LEMD1: variants seen among roughly 807,000 people sequenced by gnomAD.
LEMD1 encodes LEM domain-containing protein 1.
LEMD1 carries 18 observed loss-of-function variants against 17.4 expected under a neutral mutation model. The observed-to-expected ratio is 1.04, with a 90% CI of 0.72 to 1.54. The LOEUF is 1.54. LEMD1 is among the 40% of genes most tolerant of loss of function. LEMD1 has a pLI of 0.00. For missense variants in LEMD1, 195 were observed against 210.4 expected (o/e 0.93, Z 0.45); for synonymous variants, 88 against 77.8 (o/e 1.13, Z -0.69).
chr1:205,393,877 A>T (rs1390284774), intron 4 of LEMD1, among the ~76,000 whole-genome samples: 1 of 151,792 alleles, frequency 6.6e-6, no homozygotes, highest in Non-Finnish European at 1.5e-5. Context: ...AAAAAATGGA[A>T]ATCAGGTACT....
At chr1:205,444,798 A>G (rs1236237570) in intron 1 of LEMD1, among the ~76,000 whole-genome samples, 2 of 152,064 alleles carry the variant, frequency 1.3e-5, no homozygotes, top group Non-Finnish European at 2.9e-5. Flanking sequence ...AAACAAGAAG[A>G]GGGATATTGC....
At chr1:205,401,788 T>C (rs1219564331) in intron 4 of LEMD1, among the ~76,000 whole-genome samples, 1 of 152,094 alleles carries the variant, frequency 6.6e-6, no homozygotes, top group Non-Finnish European at 1.5e-5. Context: ...ATGCCTATGT[T>C]CTGAATGGTA....
At chr1:205,447,049 C>A (rs1168940654) in intron 1 of LEMD1, among the ~76,000 whole-genome samples, 4 of 152,242 alleles carry the variant, frequency 2.6e-5, no homozygotes, top group Non-Finnish European at 5.9e-5. Flanking sequence ...TGAGAACAAC[C>A]TCCCGTCTGG....
chr1:205,392,395 A>AC (rs1664385620), intron 4 of LEMD1, among the ~76,000 whole-genome samples: 2 of 150,476 alleles, frequency 1.3e-5, no homozygotes, highest in Admixed American at 6.6e-5. Context: ...TAAAAAAATT[A>AC]GCCAGGCATG....
At chr1:205,433,668 G>A (rs1666161507) in intron 1 of LEMD1, among the ~76,000 whole-genome samples, 1 of 152,160 alleles carries the variant, frequency 6.6e-6, no homozygotes, top group Admixed American at 6.5e-5. Context: ...GAGGGACTGG[G>A]GCAGGCATCT....
At chr1:205,423,689 C>T (rs555647872), upstream of LEMD1, among the ~76,000 whole-genome samples, 53 of 152,288 alleles carry the variant, frequency 3.5e-4, no homozygotes, top group Non-Finnish European at 5.9e-4. Context: ...TTATGAATTC[C>T]TGTACTCTGT....
chr1:205,391,945 C>CGA (rs1187255163), intron 4 of LEMD1, among the ~76,000 whole-genome samples: 2 of 118,022 alleles, frequency 1.7e-5, no homozygotes, highest in African/African-American at 4.0e-5. Flanking sequence ...TCGTCTCTAC[C>CGA]GAAAAAAAAA....
chr1:205,382,139 C>T lies in LEMD1; in HGVS notation c.348-283G>A, dbSNP rs1574931583. 3 of 386,836 alleles carry T rather than the reference C, an allele frequency of 7.8e-6. No individual in the cohort carries two copies. The East Asian group carries it at 1.5e-4, about 20-fold the overall frequency. 24.0% of individuals were successfully genotyped at this position (386,836 alleles called of 1,614,324 possible). A position where few individuals can be genotyped will look rare whatever the true frequency, so the allele number is the denominator to read the frequency against. ...ACGTCTGCCTCTCGAGTAGCTCGGA[C>T]CACAGGTACATGCCACCACCCCCAG... On this transcript the variant is annotated intron_variant, in intron 5 of 5. Transcript: ENST00000367153.
rs1313373990 is a variant in LEMD1, at chr1:205,419,329, T to G, written c.106A>C (p.Lys36Gln). The change falls in exon 3 of 6, where the codon AAA (lysine) becomes CAA (glutamine). Residue 36 changes from lysine to glutamine, a missense_variant. Lys to Gln is a moderately conservative substitution (Grantham distance 53, BLOSUM62 1). Coordinates refer to ENST00000367153, the MANE Select transcript of LEMD1 (RefSeq NM_001199050.2). ...GAGACCAACAACTGTACTAACTTTT[T>G]TTCATACAACTTTCTGGTGGAAGCT... is the stretch of plus-strand genomic sequence containing the variant. The part of the protein sequence containing the change: ...ILPSTRKLYE[K>Q]KLVQLLVSPP... The G allele has an allele frequency of 1.2e-6, 2 of 1,614,232 alleles. No homozygotes were observed. The highest frequency in any genetic ancestry group is 2.2e-5 in the East Asian group (1 of 44,892).
At position 205,448,099 on chromosome 1, in the gene LEMD1, G is replaced by A. The variant is rs1252650733; in HGVS notation, c.-39+1769C>T. Among the ~76,000 whole-genome samples the A allele has an allele frequency of 6.6e-6, 1 of 152,196 alleles. No homozygotes were observed. The highest frequency in any genetic ancestry group is 2.4e-5 in the African/African-American group (1 of 41,450). ...CCTTCCTCAGAGGGAATCTCCCTCTGGAATCACCGGCCCAGTCTCTTCATT... is the reference window on the plus strand; with the variant it reads ...CCTTCCTCAGAGGGAATCTCCCTCTAGAATCACCGGCCCAGTCTCTTCATT... On this transcript the variant is annotated intron_variant, in intron 1 of 3. Transcript: ENST00000367154. This position sits in a 1 kb window ranked among gnomAD's most constrained non-coding sequence, Gnocchi z 4.7.
chr1:205,440,483 G>C (rs1457244967), intron 1 of LEMD1: 1 of 152,292 alleles, frequency 6.6e-6, no homozygotes, highest in Non-Finnish European at 1.5e-5. Context: ...TCCAGGGTCA[G>C]GGCTGCTGGA....
chr1:205,422,764 C>T (rs191150542), upstream of LEMD1, among the ~76,000 whole-genome samples: 385 of 152,288 alleles, frequency 2.5e-3, 1 homozygote, highest in Admixed American at 4.0e-3. Flanking sequence ...GCAATGCCTT[C>T]ATTAAATTGC....
At position 205,438,609 on chromosome 1, in the gene LEMD1, G is replaced by T. The variant is rs202051355; in HGVS notation, c.-39+11259C>A. Among the ~76,000 whole-genome samples, 12 of 152,318 alleles carry T rather than the reference G, an allele frequency of 7.9e-5. No individual in the cohort carries two copies. The East Asian group carries it at 2.3e-3, about 29-fold the overall frequency. ...AGGGACAATAGAATGTGGGGTTGGG[G>T]TGTGCCTGGCTAGAAGCTGCTACCT... On this transcript the variant is annotated intron_variant, in intron 1 of 3. Transcript: ENST00000367154.
intron 2 of LEMD1, among the ~76,000 whole-genome samples, chr1:205,420,218 T>G (rs1264627383): frequency 6.6e-6 from 1 of 152,148 alleles, no homozygotes; most frequent in Non-Finnish European, 1.5e-5. Context: ...CTTGGGAGGC[T>G]CAGGCAGGAG....
chr1:205,439,252 G>C (rs898449882), intron 1 of LEMD1, among the ~76,000 whole-genome samples: 4 of 152,202 alleles, frequency 2.6e-5, no homozygotes, highest in African/African-American at 9.6e-5. Context: ...GCTGAATCTT[G>C]CTGTTCCCTT....
intron 1 of LEMD1, chr1:205,436,299 C>T (rs955829966): frequency 6.6e-6 from 1 of 152,188 alleles, no homozygotes; most frequent in African/African-American, 2.4e-5. Flanking sequence ...CAATTTCTTC[C>T]TCAGTATGAC....
chr1:205,385,183 A>G (rs1050927901), intron 4 of LEMD1: 1 of 152,030 alleles, frequency 6.6e-6, no homozygotes, highest in African/African-American at 2.4e-5. Context: ...TTCAGCCCTA[A>G]TATACACATT....
At chr1:205,410,724 G>C (rs1665349829) in intron 4 of LEMD1, among the ~76,000 whole-genome samples, 1 of 152,114 alleles carries the variant, frequency 6.6e-6, no homozygotes, top group Non-Finnish European at 1.5e-5. Flanking sequence ...AAAGTAGCGA[G>C]GCATGGTGCC....
upstream of LEMD1, among the ~76,000 whole-genome samples, chr1:205,425,998 C>T (rs1259838062): frequency 6.6e-6 from 1 of 152,160 alleles, no homozygotes; most frequent in South Asian, 2.1e-4. Flanking sequence ...GTGGGGGACA[C>T]AGAGCAGCTC....
Sources: allele counts gnomAD v4.1 joint callset (sites outside exome capture counted in the v4.1 genomes callset), GRCh38; gene constraint gnomAD v4.1.1; non-coding constraint Gnocchi (gnomAD v3.1); transcripts MANE v1.5; gene names NCBI Gene and HGNC (gene_info 2026-07-23, HGNC 2026-07-21).